TMEM135: variants seen among roughly 807,000 people sequenced by gnomAD.
TMEM135 encodes transmembrane protein 135, also known as peroxisomal membrane protein 52.
TMEM135 carries 30 observed loss-of-function variants against 60.3 expected under a neutral mutation model. That is an observed-to-expected ratio of 0.50 (90% CI 0.37 to 0.68). The LOEUF (loss-of-function observed/expected upper bound fraction) is 0.68. TMEM135 is among the 30% of genes least tolerant of loss of function. The pLI, the probability that TMEM135 is intolerant of heterozygous loss-of-function variation, is 0.00. For missense variants in TMEM135, 468 were observed against 548.8 expected, an observed-to-expected ratio of 0.85 and a Z score of 1.47; for synonymous variants, 190 against 186.7, an observed-to-expected ratio of 1.02 and a Z score of -0.14.
intron 5 of TMEM135, among the ~76,000 whole-genome samples, chr11:87,173,037 C>T (rs1228886549): frequency 1.3e-5 from 2 of 151,860 alleles, no homozygotes; most frequent in Non-Finnish European, 2.9e-5. Context: ...AATGTGAATT[C>T]TTTATACAAG....
intron 6 of TMEM135, among the ~76,000 whole-genome samples, chr11:87,275,770 C>T (rs1420032029): frequency 6.6e-6 from 1 of 152,276 alleles, no homozygotes; most frequent in Non-Finnish European, 1.5e-5. Context: ...AAGCAATTCT[C>T]CTGCCTCAGC....
chr11:87,104,621 G>A (rs1857547316), intron 4 of TMEM135, among the ~76,000 whole-genome samples: 1 of 152,008 alleles, frequency 6.6e-6, no homozygotes, highest in Non-Finnish European at 1.5e-5. Flanking sequence ...TTTTTAGTAT[G>A]TGGATCTTTT....
intron 7 of TMEM135, among the ~76,000 whole-genome samples, chr11:87,300,481 A>G (rs1185216591): frequency 6.6e-6 from 1 of 152,130 alleles, no homozygotes; most frequent in East Asian, 1.9e-4. Flanking sequence ...AATTACTGAT[A>G]ATTTATTGGT....
rs138180104 is a variant in TMEM135 at position 87,281,977 on chromosome 11, A to G, written c.510-13805A>G. Among the ~76,000 whole-genome samples, 28 of 152,364 alleles carry G rather than the reference A, an allele frequency of 1.8e-4. No homozygotes were observed. In the East Asian group the frequency reaches 5.4e-3, roughly 29 times the overall value. ...GGCATTGACATTTTGTTACTGCAACATAACTTAGCTCAGTGGTTTTCAAGC... is the reference window on the plus strand; with the variant it reads ...GGCATTGACATTTTGTTACTGCAACGTAACTTAGCTCAGTGGTTTTCAAGC... On this transcript the variant is annotated intron_variant, in intron 6 of 14. Transcript: ENST00000305494.
rs1409092979 is a variant in TMEM135, at chr11:87,324,538, CAGTCTCTAAT to C, written c.*3208_*3217del. The C allele has an allele frequency of 2.2e-6, 1 of 453,334 alleles. No individual in the cohort carries two copies. Among genetic ancestry groups the C allele is most frequent in the East Asian group, 7.0e-5 (1 of 14,388 alleles). The allele number at this position is 453,334 out of a possible 1,614,324, so 28.1% of individuals were successfully genotyped here. ...CTTGGTTCAAGCAATTATTTCCCCT[CAGTCTCTAAT>C]AGCTGGGACAACAGGCATGTGCCAC... On this transcript the variant is annotated 3_prime_UTR_variant, in exon 15 of 15. Transcript: ENST00000305494.
intron 3 of TMEM135, among the ~76,000 whole-genome samples, chr11:87,081,112 A>G: frequency 6.6e-6 from 1 of 151,310 alleles, no homozygotes; most frequent in Middle Eastern, 3.4e-3. Context: ...TTTAGCAGAT[A>G]ATATACAGTG....
intron 5 of TMEM135, among the ~76,000 whole-genome samples, chr11:87,181,238 A>T (rs909939173): frequency 6.6e-6 from 1 of 152,186 alleles, no homozygotes; most frequent in Non-Finnish European, 1.5e-5. Context: ...CAGAAAAAAG[A>T]TTAAGTGAAA....
intron 1 of TMEM135, among the ~76,000 whole-genome samples, chr11:87,058,396 C>T (rs754729885): frequency 5.3e-5 from 8 of 151,910 alleles, no homozygotes; most frequent in African/African-American, 1.9e-4. Flanking sequence ...GTGGCGTGAT[C>T]TTGGCTTGCT....
intron 4 of TMEM135, among the ~76,000 whole-genome samples, chr11:87,119,816 C>T (rs1051779176): frequency 2.6e-5 from 4 of 151,944 alleles, no homozygotes. Flanking sequence ...ACAAAGTGAG[C>T]ACATGCTCTT....
At chr11:87,062,856 T>C (rs373497477) in intron 1 of TMEM135, among the ~76,000 whole-genome samples, 49 of 152,348 alleles carry the variant, frequency 3.2e-4, no homozygotes, top group African/African-American at 1.1e-3. Flanking sequence ...AATGAGGAGA[T>C]TGAAATCTAA....
At chr11:87,137,427 C>T (rs1423962250) in intron 4 of TMEM135, among the ~76,000 whole-genome samples, 1 of 151,984 alleles carries the variant, frequency 6.6e-6, no homozygotes, top group African/African-American at 2.4e-5. Flanking sequence ...TATACTCATC[C>T]AACAATTATT....
At chr11:87,147,754 C>G (rs1938454328) in intron 4 of TMEM135, among the ~76,000 whole-genome samples, 1 of 152,090 alleles carries the variant, frequency 6.6e-6, no homozygotes, top group African/African-American at 2.4e-5. Flanking sequence ...AAAACAGTCT[C>G]TTGTTAACTT....
intron 4 of TMEM135, among the ~76,000 whole-genome samples, chr11:87,103,419 A>G (rs918705730): frequency 8.8e-5 from 13 of 147,958 alleles, no homozygotes; most frequent in African/African-American, 2.7e-4. Flanking sequence ...TTTAATTTGC[A>G]TTTCCCTAAT....
At chr11:87,206,499 AT>A (rs1222962676) in intron 5 of TMEM135, among the ~76,000 whole-genome samples, 1 of 152,158 alleles carries the variant, frequency 6.6e-6, no homozygotes, top group Non-Finnish European at 1.5e-5. Context: ...AGTTGAACAT[AT>A]ATTGAAAAAA....
Position 87,326,830 on chromosome 11 carries a change from A to T in TMEM135, c.*5497A>T, listed in dbSNP as rs1282453828. ...TGATAGCCTGTCACTGCTCAGGGAT[A>T]GCACTAAGGCTCTCTTCAGAACCAA... On this transcript the variant is annotated 3_prime_UTR_variant, in exon 15 of 15. Coordinates refer to ENST00000305494, the MANE Select transcript of TMEM135 (RefSeq NM_022918.4). The T allele has an allele frequency of 2.0e-5, 9 of 449,910 alleles. No homozygotes were observed. In the Admixed American group the frequency reaches 2.2e-4, roughly 11 times the overall value. The allele number at this position is 449,910 out of a possible 1,614,324, so 27.9% of individuals were successfully genotyped here.
intron 4 of TMEM135, among the ~76,000 whole-genome samples, chr11:87,112,684 A>C (rs572310279): frequency 6.6e-6 from 1 of 152,224 alleles, no homozygotes; most frequent in South Asian, 2.1e-4. Flanking sequence ...GAGTTTAAGT[A>C]CTTTAGTTTT....
At chr11:87,114,809 T>G (rs1276750628) in intron 4 of TMEM135, among the ~76,000 whole-genome samples, 2 of 152,174 alleles carry the variant, frequency 1.3e-5, no homozygotes, top group Non-Finnish European at 2.9e-5. Context: ...GGCATAGCTG[T>G]ACAGGACTTG....
intron 5 of TMEM135, among the ~76,000 whole-genome samples, chr11:87,176,652 T>C (rs1286697511): frequency 1.3e-5 from 2 of 152,124 alleles, no homozygotes; most frequent in Non-Finnish European, 2.9e-5. Context: ...TTGAAGTCCA[T>C]GGGAAAGATT....
At chr11:87,099,340 A>G (rs1374347627) in intron 4 of TMEM135, among the ~76,000 whole-genome samples, 2 of 152,192 alleles carry the variant, frequency 1.3e-5, no homozygotes. Context: ...TTATTTTGAA[A>G]TAATTATAGA....
Sources: gnomAD v4.1 joint callset for allele counts (sites outside exome capture counted in the v4.1 genomes callset) on GRCh38, gnomAD v4.1.1 for gene constraint, MANE v1.5 for transcripts, NCBI Gene and HGNC (gene_info 2026-07-23, HGNC 2026-07-21) for gene names.